MYRIP: variants seen among roughly 807,000 people sequenced by gnomAD.
MYRIP encodes the protein rab effector MyRIP.
MYRIP carries 49 observed loss-of-function variants against 98.0 expected under a neutral mutation model. The ratio of observed to expected loss-of-function variants is 0.50; its 90% CI spans 0.40 to 0.63. The LOEUF (loss-of-function observed/expected upper bound fraction) is 0.63. Among genes scored for constraint, MYRIP ranks in the 30% least tolerant of loss-of-function variants. The pLI, the probability that MYRIP is intolerant of heterozygous loss-of-function variation, is 0.00. For missense variants in MYRIP, 1,004 were observed against 1,058.2 expected (o/e 0.95, Z 0.71); for synonymous variants, 404 against 409.5 (o/e 0.99, Z 0.16).
At chr3:39,844,788 C>T (rs376852991) in intron 1 of MYRIP, among the ~76,000 whole-genome samples, 2 of 152,296 alleles carry the variant, frequency 1.3e-5, no homozygotes, top group African/African-American at 2.4e-5. Context: ...ATTTGTGGTA[C>T]TTCTACAATT....
At chr3:40,246,103 A>G (rs1243202033) in intron 13 of MYRIP, among the ~76,000 whole-genome samples, 1 of 151,712 alleles carries the variant, frequency 6.6e-6, no homozygotes, top group Non-Finnish European at 1.5e-5. Context: ...TGTGGTCGTC[A>G]ATAAAACCAT....
At chr3:40,058,565 T>C (rs1322599985) in intron 3 of MYRIP, among the ~76,000 whole-genome samples, 6 of 152,194 alleles carry the variant, frequency 3.9e-5, no homozygotes, top group African/African-American at 1.4e-4. Flanking sequence ...AATTATAAAG[T>C]TATACCAAGA....
intron 10 of MYRIP, among the ~76,000 whole-genome samples, chr3:40,205,175 G>C (rs1488052958): frequency 6.6e-6 from 1 of 152,124 alleles, no homozygotes; most frequent in Non-Finnish European, 1.5e-5. Flanking sequence ...GGGGGTCAGA[G>C]GTCACAGGCA....
At chr3:40,025,104 T>C (rs1947092764) in intron 2 of MYRIP, among the ~76,000 whole-genome samples, 1 of 152,196 alleles carries the variant, frequency 6.6e-6, no homozygotes, top group Non-Finnish European at 1.5e-5. Flanking sequence ...CCAACATCCA[T>C]GTTGACTGAG....
chr3:40,204,112 TATA>T (rs1559451682), intron 10 of MYRIP, among the ~76,000 whole-genome samples: 311 of 19,822 alleles, frequency 0.016, 24 homozygotes, highest in African/African-American at 0.037. Context: ...TTATATAATA[TATA>T]AATATAGAGT....
chr3:40,072,990 A>G (rs1371228439), intron 3 of MYRIP, among the ~76,000 whole-genome samples: 1 of 152,224 alleles, frequency 6.6e-6, no homozygotes, highest in African/African-American at 2.4e-5. Flanking sequence ...TGAAAAAGGT[A>G]TATTAAAAAT....
At chr3:40,094,714 G>A (rs192572719) in intron 3 of MYRIP, among the ~76,000 whole-genome samples, 4 of 152,266 alleles carry the variant, frequency 2.6e-5, no homozygotes, top group East Asian at 1.9e-4. Flanking sequence ...ACTCAACCTC[G>A]CTTAAAGAAA....
chr3:39,828,290 T>G, intron 1 of MYRIP, among the ~76,000 whole-genome samples: 1 of 152,100 alleles, frequency 6.6e-6, no homozygotes, highest in Non-Finnish European at 1.5e-5. Context: ...AATTCTTTTC[T>G]CTCTCATTTT....
intron 8 of MYRIP, among the ~76,000 whole-genome samples, chr3:40,181,305 T>C (rs376592439): frequency 1.3e-5 from 2 of 152,186 alleles, no homozygotes; most frequent in African/African-American, 4.8e-5. Context: ...CTGAAAGAGC[T>C]TGCCTTTGTC....
At chr3:39,839,457 C>G (rs1486963214) in intron 1 of MYRIP, among the ~76,000 whole-genome samples, 1 of 152,076 alleles carries the variant, frequency 6.6e-6, no homozygotes, top group Non-Finnish European at 1.5e-5. Flanking sequence ...GGGGTTTCAC[C>G]AAGTTGGCCA....
At chr3:40,146,306 G>T (rs1054136441) in intron 3 of MYRIP, among the ~76,000 whole-genome samples, 1 of 152,182 alleles carries the variant, frequency 6.6e-6, no homozygotes, top group Non-Finnish European at 1.5e-5. Flanking sequence ...GATTGAGCCT[G>T]AGACTATCTG....
chr3:39,819,404 A>G (rs968801332), intron 1 of MYRIP, among the ~76,000 whole-genome samples: 5 of 152,164 alleles, frequency 3.3e-5, no homozygotes, highest in Admixed American at 2.0e-4. Flanking sequence ...ATGGTCAGCT[A>G]TTTAGTAGTG....
chr3:40,178,025 C>G (rs1325661911), intron 8 of MYRIP, among the ~76,000 whole-genome samples: 1 of 152,142 alleles, frequency 6.6e-6, no homozygotes, highest in Non-Finnish European at 1.5e-5. Context: ...ACATCTGACC[C>G]TAAAAACACA....
At chr3:39,865,474 A>C (rs1942592943) in intron 1 of MYRIP, among the ~76,000 whole-genome samples, 1 of 152,166 alleles carries the variant, frequency 6.6e-6, no homozygotes, top group African/African-American at 2.4e-5. Flanking sequence ...TAAACAAATT[A>C]ACAAGCAAAA....
intron 10 of MYRIP, among the ~76,000 whole-genome samples, chr3:40,191,513 G>C (rs542442087): frequency 6.6e-6 from 1 of 152,142 alleles, no homozygotes; most frequent in African/African-American, 2.4e-5. Context: ...CCAAAGATAT[G>C]GTCCAAGATT....
chr3:39,892,194 T>G (rs1365619069), intron 1 of MYRIP, among the ~76,000 whole-genome samples: 1 of 152,184 alleles, frequency 6.6e-6, no homozygotes, highest in African/African-American at 2.4e-5. Context: ...GGGTTTAGAA[T>G]GTAAAGTAAC....
In MYRIP at chr3:40,251,990, G is replaced by T. The variant is rs1355326891; in HGVS notation, c.2538G>T (p.Lys846Asn). The T allele has an allele frequency of 1.3e-6, 2 of 1,599,956 alleles. No homozygotes were observed. The highest frequency in any genetic ancestry group is 3.3e-5 in the Admixed American group (2 of 59,942). Residue 846 changes from lysine (K) to asparagine (N), a missense_variant, in exon 16 of 17, where the codon AAG (lysine) becomes AAT (asparagine). By Grantham distance (94) the Lys-to-Asn change is moderately conservative. Around this residue, in one of 3 missense-constraint regions of MYRIP, gnomAD observed 108 missense variants for 111.1 expected, o/e 0.97. Transcript: ENST00000302541. Reference protein sequence around the residue: ...NRTKERKGTTKDLMEPALESA... With the variant: ...NRTKERKGTTNDLMEPALESA... The stretch of plus-strand genomic sequence containing the variant: ...CTAAGGAAAGGAAAGGCACCACCAA[G>T]GATTTGATGGTAAATGTCATCTCTG...
intron 3 of MYRIP, among the ~76,000 whole-genome samples, chr3:40,109,985 T>C (rs924307883): frequency 3.3e-5 from 5 of 152,268 alleles, no homozygotes; most frequent in African/African-American, 9.6e-5. Context: ...CCTGCAGGAG[T>C]ACAGGGCAGA....
At chr3:40,025,588 G>A (rs145231015) in intron 2 of MYRIP, among the ~76,000 whole-genome samples, 2,628 of 152,194 alleles carry the variant, frequency 0.017, 63 homozygotes, top group African/African-American at 0.058. Context: ...GGGGGAACCC[G>A]CCCCCAATAT....
Sources: gnomAD v4.1 joint callset for allele counts (sites outside exome capture counted in the v4.1 genomes callset) on GRCh38, gnomAD v4.1.1 for gene constraint, gnomAD v4.1.1 regional missense constraint, MANE v1.5 for transcripts, NCBI Gene and HGNC (gene_info 2026-07-23, HGNC 2026-07-21) for gene names.